ULK4: variants seen among roughly 807,000 people sequenced by gnomAD.
ULK4 encodes the protein inactive serine/threonine-protein kinase ULK4.
ULK4 carries 133 observed loss-of-function variants against 160.6 expected under a neutral mutation model. That is an observed-to-expected ratio of 0.83 (90% CI 0.72 to 0.96). The LOEUF (loss-of-function observed/expected upper bound fraction) is 0.96. Ranked by LOEUF, ULK4 falls within the 40% of genes least tolerant of loss-of-function variation. ULK4 has a pLI of 0.00. For missense variants in ULK4, 1,580 were observed against 1,499.5 expected, an observed-to-expected ratio of 1.05 and a Z score of -0.89; for synonymous variants, 534 against 539.8, an observed-to-expected ratio of 0.99 and a Z score of 0.15.
chr3:41,689,559 T>C (rs1462219810), intron 27 of ULK4, among the ~76,000 whole-genome samples: 8 of 152,022 alleles, frequency 5.3e-5, no homozygotes, highest in Non-Finnish European at 5.9e-5. Flanking sequence ...AGGGCTAATA[T>C]CCAGCATCTA....
intron 31 of ULK4, among the ~76,000 whole-genome samples, chr3:41,583,842 T>C (rs1354123556): frequency 6.6e-6 from 1 of 152,202 alleles, no homozygotes; most frequent in African/African-American, 2.4e-5. Flanking sequence ...TTGTAAACAA[T>C]CATGCAATCT....
intron 30 of ULK4, among the ~76,000 whole-genome samples, chr3:41,629,936 T>C (rs2033679610): frequency 6.6e-6 from 1 of 152,096 alleles, no homozygotes; most frequent in Admixed American, 6.6e-5. Flanking sequence ...AGGTCAAAGT[T>C]GCAGTAAGTC....
At chr3:41,881,480 G>A (rs554928101) in intron 17 of ULK4, among the ~76,000 whole-genome samples, 1 of 152,114 alleles carries the variant, frequency 6.6e-6, no homozygotes, top group Non-Finnish European at 1.5e-5. Flanking sequence ...CAGGAATTAG[G>A]TTGGTGCAAA....
At chr3:41,718,309 T>C (rs1399858505) in intron 22 of ULK4, among the ~76,000 whole-genome samples, 1 of 152,212 alleles carries the variant, frequency 6.6e-6, no homozygotes, top group Non-Finnish European at 1.5e-5. Context: ...ATTTTAACAC[T>C]GGGTTATACA....
chr3:41,460,686 G>A (rs1183979433), intron 33 of ULK4, among the ~76,000 whole-genome samples: 7 of 151,998 alleles, frequency 4.6e-5, no homozygotes. Context: ...GAGGCCCCCT[G>A]TAAACAAAAA....
At chr3:41,527,227 C>T (rs1182031360) in intron 32 of ULK4, among the ~76,000 whole-genome samples, 1 of 152,236 alleles carries the variant, frequency 6.6e-6, no homozygotes, top group African/African-American at 2.4e-5. Context: ...CTCCTTCACA[C>T]CTCAAGAGGG....
chr3:41,904,202 G>A (rs1416946923), intron 12 of ULK4, among the ~76,000 whole-genome samples: 2 of 152,136 alleles, frequency 1.3e-5, no homozygotes, highest in African/African-American at 4.8e-5. Flanking sequence ...GGAGGCCAAG[G>A]CCAGCAGATC....
chr3:41,933,711 C>T (rs934390346), intron 4 of ULK4, among the ~76,000 whole-genome samples: 3 of 151,166 alleles, frequency 2.0e-5, no homozygotes, highest in African/African-American at 7.3e-5. Context: ...TTTTTTAAGC[C>T]GTATCTGAAA....
intron 35 of ULK4, among the ~76,000 whole-genome samples, chr3:41,365,396 A>C (rs1214860520): frequency 6.6e-6 from 1 of 152,238 alleles, no homozygotes; most frequent in Non-Finnish European, 1.5e-5. Flanking sequence ...AATGTTTTGC[A>C]ATTCTGTGGG....
chr3:41,379,943 G>A (rs2081610060), intron 35 of ULK4, among the ~76,000 whole-genome samples: 1 of 152,142 alleles, frequency 6.6e-6, no homozygotes, highest in African/African-American at 2.4e-5. Flanking sequence ...TGATTGATTA[G>A]GGAAGCCCAA....
chr3:41,544,795 C>T (rs1047202627), intron 32 of ULK4, among the ~76,000 whole-genome samples: 4 of 152,156 alleles, frequency 2.6e-5, no homozygotes, highest in Non-Finnish European at 5.9e-5. Flanking sequence ...TGTGGCAATG[C>T]TCTGGGAGTG....
chr3:41,584,609 C>CAT (rs1225166900), intron 31 of ULK4, among the ~76,000 whole-genome samples: 8 of 152,114 alleles, frequency 5.3e-5, no homozygotes. Flanking sequence ...TTAATATGTA[C>CAT]ATACCAAATA....
In ULK4 at chr3:41,717,965, A is replaced by G. The variant is rs73828236; in HGVS notation, c.2322-104T>C. 733 of 1,351,208 alleles carry G rather than the reference A, an allele frequency of 5.4e-4. 5 individuals carry two copies. The African/African-American group carries it at 9.7e-3, about 18-fold the overall frequency. The allele number at this position is 1,351,208 out of a possible 1,614,324, so 83.7% of individuals were successfully genotyped here. A position where few individuals can be genotyped will look rare whatever the true frequency, so the allele number is the denominator to read the frequency against. On this transcript the variant is annotated intron_variant, in intron 22 of 36. Transcript: ENST00000301831. ...AGTGTTTCCAGAGGGCACCCTCCCAATCATATTGACGTTTAGATTTGTAGC... is the reference window on the plus strand; with the variant it reads ...AGTGTTTCCAGAGGGCACCCTCCCAGTCATATTGACGTTTAGATTTGTAGC...
At chr3:41,363,192 T>C (rs561724097) in intron 35 of ULK4, among the ~76,000 whole-genome samples, 62 of 152,294 alleles carry the variant, frequency 4.1e-4, no homozygotes, top group Non-Finnish European at 7.2e-4. Context: ...GGGGGGCACA[T>C]AGAGATGCCC....
chr3:41,612,798 G>A lies in ULK4; in HGVS notation c.3120+2871C>T, dbSNP rs188643344. The stretch of plus-strand genomic sequence containing the variant: ...AACAGAGAAGCTGCCTGCAATTCCT[G>A]CCCATCAGAAAAGACAGGCTCACTT... On this transcript the variant is annotated intron_variant, in intron 31 of 36. Coordinates refer to ENST00000301831, the MANE Select transcript of ULK4 (RefSeq NM_017886.4). Among the ~76,000 whole-genome samples the A allele has an allele frequency of 1.1e-3, 162 of 152,224 alleles. 2 individuals are homozygous for A. The highest frequency in any genetic ancestry group is 4.7e-4 in the Non-Finnish European group (32 of 68,018).
intron 35 of ULK4, among the ~76,000 whole-genome samples, chr3:41,307,426 A>T (rs2079969088): frequency 6.6e-6 from 1 of 152,230 alleles, no homozygotes. Context: ...ATAAAGATGC[A>T]TTGTAAGAGA....
intron 31 of ULK4, among the ~76,000 whole-genome samples, chr3:41,593,124 C>A (rs1009625564): frequency 1.3e-5 from 2 of 152,102 alleles, no homozygotes; most frequent in African/African-American, 4.8e-5. Context: ...TATTTTGTTT[C>A]TTTGCTGAAC....
At chr3:41,947,617 C>A (rs1175030099) in intron 2 of ULK4, among the ~76,000 whole-genome samples, 2 of 152,158 alleles carry the variant, frequency 1.3e-5, no homozygotes, top group African/African-American at 4.8e-5. Flanking sequence ...ACCCAGCACA[C>A]TGGCTGGAAC....
At chr3:41,587,803 A>C (rs2030942033) in intron 31 of ULK4, among the ~76,000 whole-genome samples, 1 of 152,222 alleles carries the variant, frequency 6.6e-6, no homozygotes, top group Non-Finnish European at 1.5e-5. Flanking sequence ...CACAGATAAA[A>C]GCTTTAAAAT....
Sources: allele counts gnomAD v4.1 joint callset (sites outside exome capture counted in the v4.1 genomes callset), GRCh38; gene constraint gnomAD v4.1.1; transcripts MANE v1.5; gene names NCBI Gene and HGNC (gene_info 2026-07-23, HGNC 2026-07-21).